The following ZNF561 variants were observed in gnomAD, a reference collection of about 807,000 sequenced individuals.
ZNF561 encodes the protein zinc finger protein 561.
In ZNF561, 16 loss-of-function variants were observed where a neutral mutation model predicts 16.7. That is an observed-to-expected ratio of 0.96 (90% CI 0.65 to 1.45). The LOEUF is 1.45. ZNF561 is among the 40% of genes most tolerant of loss of function. ZNF561 has a pLI of 0.00. For synonymous variants in ZNF561, 190 were observed against 192.1 expected, an observed-to-expected ratio of 0.99 and a Z score of 0.09; for missense variants, 580 against 578.0, an observed-to-expected ratio of 1.00 and a Z score of -0.04.
intron 5 of ZNF561, among the ~76,000 whole-genome samples, 163 bp downstream of exon 5, chr19:9,613,858 G>A (rs2074505587): frequency 6.6e-6 from 1 of 152,058 alleles, no homozygotes; most frequent in African/African-American, 2.4e-5. Context: ...TACTGCCTAG[G>A]CTGGTCTTGA....
In ZNF561 at chr19:9,609,053, C is replaced by A. The variant is rs2074399705; in HGVS notation, c.*1147G>T. On this transcript the variant is annotated 3_prime_UTR_variant, in exon 6 of 6. Transcript: ENST00000302851. The stretch of plus-strand genomic sequence containing the variant: ...CACCTGGCCCACCCACGGTGGAAAA[C>A]TGGAAAACTGCTCAGGCATTCCTAA... 2 of 152,174 alleles carry A rather than the reference C, an allele frequency of 1.3e-5. No homozygotes were observed. The highest frequency in any genetic ancestry group is 2.9e-5 in the Non-Finnish European group (2 of 68,044). The allele number at this position is 152,174 out of a possible 1,614,324, so 9.4% of individuals were successfully genotyped here. A position where few individuals can be genotyped will look rare whatever the true frequency, so the allele number is the denominator to read the frequency against.
At position 9,607,945 on chromosome 19, in the gene ZNF561, C is replaced by G. The variant is rs775273170; in HGVS notation, c.*2255G>C. On this transcript the variant is annotated 3_prime_UTR_variant, in exon 6 of 6. Coordinates refer to ENST00000302851, the MANE Select transcript of ZNF561 (RefSeq NM_152289.3). ...GAATGCAGTGGCTGCGATCTCGGCT[C>G]ACTGCAACCTGTGCCTCCCAGGTTC... is the stretch of plus-strand genomic sequence containing the variant. The G allele has an allele frequency of 9.2e-5, 14 of 152,166 alleles. No homozygotes were observed. Among genetic ancestry groups the G allele is most frequent in the Non-Finnish European group, 1.9e-4 (13 of 68,070 alleles). The allele number at this position is 152,166 out of a possible 1,614,324, so 9.4% of individuals were successfully genotyped here. A position where few individuals can be genotyped will look rare whatever the true frequency, so the allele number is the denominator to read the frequency against.
At chr19:9,611,435 ACT>A in intron 5 of ZNF561, 99 bp from the exon 6 acceptor site, 1 of 1,258,228 alleles carries the variant, frequency 7.9e-7, no homozygotes, top group Non-Finnish European at 1.1e-6. Flanking sequence ...TTATGATTTT[ACT>A]TTTTAATATT....
chr19:9,610,050 G>C lies in ZNF561; in HGVS notation c.*150C>G. 1 of 689,440 alleles carries C rather than the reference G, an allele frequency of 1.5e-6. No individual in the cohort carries two copies. The highest frequency in any genetic ancestry group is 2.3e-6 in the Non-Finnish European group (1 of 426,206). The allele number at this position is 689,440 out of a possible 1,614,324, so 42.7% of individuals were successfully genotyped here. A position where few individuals can be genotyped will look rare whatever the true frequency, so the allele number is the denominator to read the frequency against. On this transcript the variant is annotated 3_prime_UTR_variant, in exon 6 of 6. Transcript: ENST00000302851. Reference sequence around the variant, plus strand: ...ATGCCCAGACTCAGGCAACCATGATGTTGTATTCAGAACCTGTAGGTTTAA... The same window carrying C: ...ATGCCCAGACTCAGGCAACCATGATCTTGTATTCAGAACCTGTAGGTTTAA...
intron 5 of ZNF561, among the ~76,000 whole-genome samples, chr19:9,612,345 G>A (rs966978092): frequency 2.6e-5 from 4 of 152,028 alleles, no homozygotes; most frequent in Admixed American, 6.6e-5. Flanking sequence ...TCAGCCTCGC[G>A]AATAGCTGGG....
Position 9,617,183 on chromosome 19 carries a change from T to A in ZNF561, c.115-12A>T, listed in dbSNP as rs994341158. On this transcript the variant is annotated splice_polypyrimidine_tract_variant and intron_variant, in intron 3 of 5. Coordinates refer to ENST00000302851, the MANE Select transcript of ZNF561 (RefSeq NM_152289.3). Reference sequence around the variant, plus strand: ...AACGTCACTGAATCCTATGTCATCATACACATGCTGGTTTGAGCCAATGAA... The same window carrying A: ...AACGTCACTGAATCCTATGTCATCAAACACATGCTGGTTTGAGCCAATGAA... The A allele has an allele frequency of 3.0e-5, 48 of 1,610,518 alleles. No homozygotes were observed. In the Middle Eastern group the frequency reaches 5.0e-4, roughly 17 times the overall value.
chr19:9,617,993 T>C, intron 3 of ZNF561, 98 bp downstream of exon 3: 2 of 1,180,310 alleles, frequency 1.7e-6, no homozygotes, highest in Non-Finnish European at 1.2e-6. Context: ...CTTCATTTGC[T>C]CTAAGAAAAC....
Position 9,610,987 on chromosome 19 carries a change from CAG to C in ZNF561, c.672_673del (p.Cys225Ter), listed in dbSNP as rs1418623324. Reference sequence around the variant, plus strand: ...AGCTCTCCCATATTCCTGAAATTCACAGAGTTTCTCATCAGTGTGGATTCCCA... The same window carrying C: ...AGCTCTCCCATATTCCTGAAATTCACAGTTTCTCATCAGTGTGGATTCCCA... On this transcript the variant is annotated frameshift_variant, in exon 6 of 6. Transcript: ENST00000302851. LOFTEE classifies it low-confidence loss of function (END_TRUNC). 2.5e-6 allele frequency: 4 copies of C among 1,614,150 alleles called. No homozygotes were observed. The highest frequency in any genetic ancestry group is 1.1e-5 in the South Asian group (1 of 91,080).
rs769890594 is a variant in ZNF561, at chr19:9,611,799, C to T, written c.325-463G>A. Among the ~76,000 whole-genome samples, 10 of 152,280 alleles carry T rather than the reference C, an allele frequency of 6.6e-5. No individual in the cohort carries two copies. The South Asian group carries it at 1.2e-3, about 19-fold the overall frequency. ...GCTCCATTGCCTGGACTATAGTGCA[C>T]TGGTGTGATCATGGCTCTCTGTAAC... On this transcript the variant is annotated intron_variant, in intron 5 of 5. Coordinates refer to ENST00000302851, the MANE Select transcript of ZNF561 (RefSeq NM_152289.3).
intron 2 of ZNF561, among the ~76,000 whole-genome samples, chr19:9,618,524 A>AGAC (rs1227079738): frequency 6.6e-6 from 1 of 151,256 alleles, no homozygotes; most frequent in Non-Finnish European, 1.5e-5. Context: ...CAGGAGAACG[A>AGAC]GACCATCCTA....
At chr19:9,620,356 C>G (rs80010154) in intron 1 of ZNF561, among the ~76,000 whole-genome samples, 2,409 of 152,230 alleles carry the variant, frequency 0.016, 57 homozygotes, top group African/African-American at 0.055. Context: ...CCCCAACTAG[C>G]TGGGACTACA....
chr19:9,614,177 G>A, intron 4 of ZNF561, 74 bp from the exon 5 acceptor site: 1 of 1,552,050 alleles, frequency 6.4e-7, no homozygotes, highest in Non-Finnish European at 8.8e-7. Context: ...ATTTTTACTT[G>A]TTTTCAAATT....
intron 5 of ZNF561, among the ~76,000 whole-genome samples, chr19:9,613,351 C>T (rs1372129309): frequency 3.9e-5 from 6 of 152,152 alleles, no homozygotes; most frequent in African/African-American, 1.4e-4. Flanking sequence ...AATTCTGCCT[C>T]AGCCTCCCAT....
At chr19:9,614,295 T>C (rs2074514764) in intron 4 of ZNF561, 192 bp from the exon 5 acceptor site, 2 of 600,226 alleles carry the variant, frequency 3.3e-6, no homozygotes, top group Admixed American at 3.1e-5. Flanking sequence ...TTTAGATAGT[T>C]TATTACAAAC....
At chr19:9,616,903 T>G in intron 4 of ZNF561, 142 bp downstream of exon 4, 1 of 1,213,428 alleles carries the variant, frequency 8.2e-7, no homozygotes, top group Non-Finnish European at 1.1e-6. Context: ...CTAGAATTTT[T>G]TTTTTAAGAG....
At chr19:9,618,259 C>T (rs2074595250) in intron 2 of ZNF561, 80 bp from the exon 3 acceptor site, 6 of 1,347,404 alleles carry the variant, frequency 4.5e-6, no homozygotes, top group Admixed American at 2.1e-5. Flanking sequence ...TCATTCCATC[C>T]TAGCTTGAAA....
chr19:9,618,724 T>TC (rs2074604304), intron 2 of ZNF561, among the ~76,000 whole-genome samples: 1 of 148,230 alleles, frequency 6.7e-6, no homozygotes, highest in African/African-American at 2.5e-5. Context: ...AGACTCCGTC[T>TC]CAAAAAAAAA....
At chr19:9,617,287 A>T (rs923923292) in intron 3 of ZNF561, 116 bp from the exon 4 acceptor site, 2 of 1,419,760 alleles carry the variant, frequency 1.4e-6, no homozygotes, top group South Asian at 3.4e-5. Context: ...GTCTCCCATG[A>T]TCTACTCCAG....
chr19:9,615,888 CAA>C (rs1201925508), intron 4 of ZNF561, among the ~76,000 whole-genome samples: 1 of 140,344 alleles, frequency 7.1e-6, no homozygotes, highest in Non-Finnish European at 1.6e-5. Flanking sequence ...GACTCTGTCT[CAA>C]AAAAAAAAAG....
Sources: gnomAD v4.1 joint callset for allele counts (sites outside exome capture counted in the v4.1 genomes callset) on GRCh38, gnomAD v4.1.1 for gene constraint, MANE v1.5 for transcripts, NCBI Gene and HGNC (gene_info 2026-07-23, HGNC 2026-07-21) for gene names.